Variants in MAST4 observed in about 807,000 individuals in gnomAD.
MAST4 encodes the protein microtubule associated serine/threonine kinase family member 4, also known as microtubule-associated serine/threonine-protein kinase 4.
A neutral mutation model predicts 162.7 loss-of-function variants in MAST4; 89 were observed. The observed-to-expected ratio is 0.55, with a 90% confidence interval of 0.46 to 0.65. The LOEUF (loss-of-function observed/expected upper bound fraction) is 0.65, where lower values mean the gene tolerates loss of function less well. MAST4 is among the 30% of genes least tolerant of loss of function. MAST4 has a pLI of 0.00. For synonymous variants in MAST4, 1,479 were observed against 1,361.1 expected (o/e 1.09, Z -1.91); for missense variants, 3,153 against 3,374.0 (o/e 0.93, Z 1.62).
At chr5:66,897,014 T>C (rs1762724420) in intron 3 of MAST4, among the ~76,000 whole-genome samples, 1 of 152,212 alleles carries the variant, frequency 6.6e-6, no homozygotes, top group South Asian at 2.1e-4. Context: ...AAGCAAGTAA[T>C]GATAAACAGC....
rs140746948 is a variant in MAST4 at position 66,856,977 on chromosome 5, T to C, written c.643-42974T>C. ...CATTTTGTCATTTTTCTTCAGAGAG[T>C]ACTCTTTATAAAAGCAATTGGATAT... On this transcript the variant is annotated intron_variant, in intron 3 of 28. Transcript: ENST00000403625. Among the ~76,000 whole-genome samples the C allele has an allele frequency of 9.6e-3, 1,460 of 152,266 alleles. 27 individuals are homozygous for C. The highest frequency in any genetic ancestry group is 0.033 in the African/African-American group (1,363 of 41,536).
intron 4 of MAST4, among the ~76,000 whole-genome samples, chr5:66,956,467 G>A (rs1745325909): frequency 1.3e-5 from 2 of 152,170 alleles, no homozygotes; most frequent in African/African-American, 2.4e-5. Context: ...GATATTTTAC[G>A]ACCGCAGTTC....
chr5:66,955,590 T>C (rs1745214543), intron 4 of MAST4, among the ~76,000 whole-genome samples: 1 of 152,172 alleles, frequency 6.6e-6, no homozygotes, highest in Non-Finnish European at 1.5e-5. Context: ...TAATAAATAG[T>C]AACCAAAGCC....
At chr5:66,693,069 T>G (rs547092248) in intron 1 of MAST4, among the ~76,000 whole-genome samples, 2 of 151,656 alleles carry the variant, frequency 1.3e-5, no homozygotes, top group Non-Finnish European at 2.9e-5. Context: ...GGTTACAAAA[T>G]TTTACAAGAT....
chr5:67,161,511 G>A (rs567455541), intron 27 of MAST4, among the ~76,000 whole-genome samples: 1 of 152,096 alleles, frequency 6.6e-6, no homozygotes, highest in East Asian at 1.9e-4. Context: ...TTGTATAAGA[G>A]CTTAATTATC....
At chr5:66,987,359 T>C (rs1749635342) in intron 4 of MAST4, among the ~76,000 whole-genome samples, 1 of 152,128 alleles carries the variant, frequency 6.6e-6, no homozygotes, top group Non-Finnish European at 1.5e-5. Context: ...AATCAGAAGT[T>C]TTCAGATGAG....
intron 4 of MAST4, among the ~76,000 whole-genome samples, chr5:66,921,628 G>A (rs530477722): frequency 3.3e-5 from 5 of 152,138 alleles, no homozygotes; most frequent in East Asian, 1.9e-4. Flanking sequence ...GTATGGTGGC[G>A]CACGCCTGTA....
At chr5:66,956,547 A>G (rs1004799445) in intron 4 of MAST4, among the ~76,000 whole-genome samples, 2 of 152,194 alleles carry the variant, frequency 1.3e-5, no homozygotes, top group African/African-American at 4.8e-5. Flanking sequence ...TGTAACTCAT[A>G]GGGAATGCAG....
intron 5 of MAST4, among the ~76,000 whole-genome samples, chr5:67,066,402 C>T (rs1025991108): frequency 4.7e-5 from 7 of 150,422 alleles, no homozygotes; most frequent in African/African-American, 9.7e-5. Flanking sequence ...TTTATAACAT[C>T]CTTACATAAA....
In MAST4 at chr5:67,165,650, C is replaced by T. The variant is rs369285996; in HGVS notation, c.6471C>T (p.His2157=). The T allele has an allele frequency of 1.4e-5, 23 of 1,607,328 alleles. No individual in the cohort carries two copies. In the East Asian group the frequency reaches 2.2e-4, roughly 16 times the overall value. ...GGCAGCATTGCAGTTCCCCAAGCCA[C>T]GCTTCTGGCAGAGAGCCGGGGGCCA... is the stretch of plus-strand genomic sequence containing the variant. ...AARQHCSSPS[H]ASGREPGAKP... is the part of the protein sequence containing the mutation. Residue 2157 remains histidine, a synonymous_variant, in exon 29 of 29, where the codon CAC becomes CAT. Coordinates refer to ENST00000403625, the MANE Select transcript of MAST4 (RefSeq NM_001164664.2).
intron 4 of MAST4, among the ~76,000 whole-genome samples, chr5:67,034,117 T>C (rs188167624): frequency 1.3e-5 from 2 of 152,288 alleles, no homozygotes; most frequent in Non-Finnish European, 2.9e-5. Context: ...ACAACTTGCC[T>C]AAAAGGCCTA....
At chr5:66,841,266 C>T (rs1022305672) in intron 3 of MAST4, among the ~76,000 whole-genome samples, 5 of 152,080 alleles carry the variant, frequency 3.3e-5, no homozygotes, top group African/African-American at 7.2e-5. Context: ...TATGGCTTTC[C>T]CAAATTCTAC....
At chr5:66,751,055 G>C (rs1561305131) in intron 1 of MAST4, among the ~76,000 whole-genome samples, 1 of 152,012 alleles carries the variant, frequency 6.6e-6, no homozygotes, top group Non-Finnish European at 1.5e-5. Context: ...TCACACGGCA[G>C]GGTATTCGAA....
chr5:66,966,549 G>A (rs1746757572), intron 4 of MAST4, among the ~76,000 whole-genome samples: 1 of 152,180 alleles, frequency 6.6e-6, no homozygotes, highest in Non-Finnish European at 1.5e-5. Context: ...GGCCTTCAAG[G>A]ATGCCTTGGG....
intron 5 of MAST4, among the ~76,000 whole-genome samples, chr5:67,072,637 T>C (rs1350761856): frequency 6.6e-6 from 1 of 152,288 alleles, no homozygotes; most frequent in African/African-American, 2.4e-5. Context: ...ATTCAGTGAA[T>C]AAGTTCTAAA....
At chr5:66,893,913 C>T (rs1298938454) in intron 3 of MAST4, among the ~76,000 whole-genome samples, 1 of 152,176 alleles carries the variant, frequency 6.6e-6, no homozygotes, top group African/African-American at 2.4e-5. Flanking sequence ...TCTGCTTCTG[C>T]CTTTACAAGT....
chr5:67,165,565 A>C lies in MAST4; in HGVS notation c.6386A>C (p.His2129Pro), dbSNP rs1326837034. 1.9e-6 allele frequency: 3 copies of C among 1,613,876 alleles called. No homozygotes were observed. The African/African-American group carries it at 4.0e-5, about 22-fold the overall frequency. ...PERKEQPLQR[H>P]PSSIPPPPLT... Reference sequence around the variant, plus strand: ...AGGAAGGAGCAGCCTCTACAAAGGCATCCCAGCAGCATCCCTCCGCCCCCT... The same window carrying C: ...AGGAAGGAGCAGCCTCTACAAAGGCCTCCCAGCAGCATCCCTCCGCCCCCT... The change falls in exon 29 of 29, where the codon CAT (histidine) becomes CCT (proline). Residue 2129 changes from histidine (H) to proline (P), a missense_variant. By Grantham distance (77) the His-to-Pro change is moderately conservative. Transcript: ENST00000403625.
chr5:67,158,716 A>T (rs1435214850), intron 26 of MAST4, among the ~76,000 whole-genome samples: 3 of 152,252 alleles, frequency 2.0e-5, no homozygotes, highest in Non-Finnish European at 4.4e-5. Context: ...AAGGGACAAC[A>T]TCAAACTGTG....
At chr5:67,038,448 G>T in intron 4 of MAST4, among the ~76,000 whole-genome samples, 1 of 152,052 alleles carries the variant, frequency 6.6e-6, no homozygotes, top group East Asian at 1.9e-4. Flanking sequence ...CCTCTGCATG[G>T]GGCAAGATAC....
Sources: gnomAD v4.1 joint callset for allele counts (sites outside exome capture counted in the v4.1 genomes callset) on GRCh38, gnomAD v4.1.1 for gene constraint, MANE v1.5 for transcripts, NCBI Gene and HGNC (gene_info 2026-07-23, HGNC 2026-07-21) for gene names.